Variants in KHDRBS2 observed in about 807,000 individuals in gnomAD.
KHDRBS2 encodes the protein KH RNA binding domain containing, signal transduction associated 2, also known as KH domain-containing, RNA-binding, signal transduction-associated protein 2.
In KHDRBS2, 26 loss-of-function variants were observed where a neutral mutation model predicts 44.3. The observed-to-expected ratio is 0.59, with a 90% CI of 0.43 to 0.81. The LOEUF (loss-of-function observed/expected upper bound fraction) is 0.81, where lower values mean the gene tolerates loss of function less well. KHDRBS2 is among the 40% of genes least tolerant of loss of function. KHDRBS2 has a pLI of 0.00. For synonymous variants in KHDRBS2, 194 were observed against 151.1 expected, an observed-to-expected ratio of 1.28 and a Z score of -2.08; for missense variants, 476 against 433.1, an observed-to-expected ratio of 1.10 and a Z score of -0.88.
chr6:62,266,138 G>A (rs762665390), intron 1 of KHDRBS2, among the ~76,000 whole-genome samples: 5 of 152,072 alleles, frequency 3.3e-5, no homozygotes, highest in African/African-American at 7.2e-5. Flanking sequence ...TTCAACTCAC[G>A]AAGGACTCTG....
At chr6:61,597,591 T>A in the KHDRBS2 span, among the ~76,000 whole-genome samples, 647 of 150,928 alleles carry the variant, frequency 4.3e-3, 6 homozygotes, top group African/African-American at 0.015. Flanking sequence ...GCAGGGTAAC[T>A]TATCAGTGAT....
intron 4 of KHDRBS2, among the ~76,000 whole-genome samples, chr6:61,974,758 T>C (rs1192433): frequency 0.66 from 99,482 of 151,100 alleles, 32,960 homozygotes; most frequent in African/African-American, 0.74. Context: ...TGGTGAAACC[T>C]CATCTCTACT....
chr6:61,832,996 A>G (rs974967091), intron 6 of KHDRBS2, among the ~76,000 whole-genome samples: 4 of 152,184 alleles, frequency 2.6e-5, no homozygotes, highest in Non-Finnish European at 4.4e-5. Flanking sequence ...GAATACAAAT[A>G]CCTTCTGGAC....
At chr6:61,710,568 T>A (rs1434623616) in intron 7 of KHDRBS2, among the ~76,000 whole-genome samples, 1 of 151,412 alleles carries the variant, frequency 6.6e-6, no homozygotes, top group African/African-American at 2.4e-5. Context: ...AAGACCCCAG[T>A]TTTTTTATGA....
chr6:62,159,922 A>G (rs1408328370), intron 2 of KHDRBS2, among the ~76,000 whole-genome samples: 5 of 152,104 alleles, frequency 3.3e-5, no homozygotes, highest in Non-Finnish European at 7.4e-5. Context: ...TTGATCTTGC[A>G]GTCTTAGGGG....
intron 6 of KHDRBS2, among the ~76,000 whole-genome samples, chr6:61,856,396 A>C (rs916401993): frequency 6.6e-6 from 1 of 152,060 alleles, no homozygotes; most frequent in African/African-American, 2.4e-5. Flanking sequence ...TGCAATAGTC[A>C]CTTACTTATT....
chr6:62,170,296 G>A (rs1819728927), intron 2 of KHDRBS2, among the ~76,000 whole-genome samples: 1 of 152,002 alleles, frequency 6.6e-6, no homozygotes, highest in Admixed American at 6.6e-5. Flanking sequence ...CCCTCCACAA[G>A]GCCAACTACA....
chr6:61,716,314 G>A (rs1457095574), intron 7 of KHDRBS2, among the ~76,000 whole-genome samples: 10 of 151,942 alleles, frequency 6.6e-5, no homozygotes, highest in Non-Finnish European at 5.9e-5. Flanking sequence ...CAGCCATTGA[G>A]TCACCCTTGG....
At chr6:61,674,793 A>T in the KHDRBS2 span, among the ~76,000 whole-genome samples, 1 of 151,720 alleles carries the variant, frequency 6.6e-6, no homozygotes, top group African/African-American at 2.4e-5. Context: ...CAAATTACTG[A>T]TCACTTTTCT....
intron 3 of KHDRBS2, among the ~76,000 whole-genome samples, chr6:62,034,451 A>G (rs1194112940): frequency 6.6e-6 from 1 of 151,876 alleles, no homozygotes; most frequent in Admixed American, 6.6e-5. Context: ...ATTCAACAAC[A>G]CATTAAAAAG....
intron 6 of KHDRBS2, among the ~76,000 whole-genome samples, chr6:61,884,952 CTTCT>C (rs1231549026): frequency 6.6e-5 from 10 of 151,990 alleles, no homozygotes; most frequent in Non-Finnish European, 1.5e-5. Flanking sequence ...TTTTGCATTC[CTTCT>C]TTAAGAAAAA....
intron 6 of KHDRBS2, among the ~76,000 whole-genome samples, chr6:61,751,235 TAC>T (rs1297456894): frequency 1.3e-5 from 2 of 152,232 alleles, no homozygotes; most frequent in Admixed American, 6.5e-5. Context: ...TCAAAATTTA[TAC>T]ACAGTTTTCT....
intron 6 of KHDRBS2, among the ~76,000 whole-genome samples, chr6:61,840,046 T>C (rs979784270): frequency 1.2e-4 from 18 of 152,070 alleles, no homozygotes; most frequent in Admixed American, 2.0e-4. Flanking sequence ...TATAATAATA[T>C]TTGTCTTCAA....
chr6:61,719,366 T>A (rs1771978546), intron 7 of KHDRBS2, among the ~76,000 whole-genome samples: 1 of 152,102 alleles, frequency 6.6e-6, no homozygotes, highest in Non-Finnish European at 1.5e-5. Flanking sequence ...TTTCTTTTTT[T>A]TTTAATTTGG....
At chr6:62,243,897 G>C (rs1352618855) in intron 1 of KHDRBS2, among the ~76,000 whole-genome samples, 1 of 151,996 alleles carries the variant, frequency 6.6e-6, no homozygotes, top group Admixed American at 6.6e-5. Context: ...AACAGATTAA[G>C]GAAGTATCCT....
intron 3 of KHDRBS2, among the ~76,000 whole-genome samples, chr6:62,020,983 T>C (rs1782176600): frequency 1.3e-5 from 2 of 151,994 alleles, no homozygotes; most frequent in Admixed American, 6.6e-5. Context: ...TCAACCTAAA[T>C]GTTCATCAAT....
At chr6:61,760,723 T>G (rs1779153800) in intron 6 of KHDRBS2, among the ~76,000 whole-genome samples, 1 of 152,214 alleles carries the variant, frequency 6.6e-6, no homozygotes, top group Admixed American at 6.5e-5. Context: ...ATGACATTCC[T>G]GGTTTTAGCT....
chr6:62,261,155 G>C (rs2150181684), intron 1 of KHDRBS2, among the ~76,000 whole-genome samples: 1 of 152,004 alleles, frequency 6.6e-6, no homozygotes, highest in South Asian at 2.1e-4. Flanking sequence ...AGCAAATATA[G>C]TAATTTTACT....
In KHDRBS2 at chr6:62,083,385, TG is replaced by T. The variant is rs145908460; in HGVS notation, c.220-35392del. ...CACTTTCACTGGCAATAAAATCTTCTGCATTTACCATCTTCAATTCATTTGT... is the reference window on the plus strand; with the variant it reads ...CACTTTCACTGGCAATAAAATCTTCTCATTTACCATCTTCAATTCATTTGT... On this transcript the variant is annotated intron_variant, in intron 2 of 8. Transcript: ENST00000281156. 9.2e-4 allele frequency among the ~76,000 whole-genome samples: 140 copies of T among 152,304 alleles called. 5 individuals are homozygous for T. In the East Asian group the frequency reaches 0.022, roughly 24 times the overall value.
Sources: allele counts gnomAD v4.1 joint callset (sites outside exome capture counted in the v4.1 genomes callset), GRCh38; gene constraint gnomAD v4.1.1; transcripts MANE v1.5; gene names NCBI Gene and HGNC (gene_info 2026-07-23, HGNC 2026-07-21).